FANCM: variants seen among roughly 807,000 people sequenced by gnomAD.
The protein encoded by FANCM is Fanconi anemia group M protein.
FANCM carries 140 observed loss-of-function variants against 199.5 expected under a neutral mutation model. The ratio of observed to expected loss-of-function variants is 0.70; its 90% CI spans 0.61 to 0.81. The LOEUF (loss-of-function observed/expected upper bound fraction) is 0.81. Ranked by LOEUF, FANCM falls within the 30% of genes least tolerant of loss-of-function variation. FANCM has a pLI of 0.00. For synonymous variants in FANCM, 840 were observed against 836.8 expected (o/e 1.00, Z -0.07); for missense variants, 2,410 against 2,421.4 (o/e 1.00, Z 0.10).
At chr14:45,184,452 A>C (rs1889260137) in intron 17 of FANCM, among the ~76,000 whole-genome samples, 1 of 152,078 alleles carries the variant, frequency 6.6e-6, no homozygotes, top group Non-Finnish European at 1.5e-5. Flanking sequence ...ACCTGAGATC[A>C]GGAGTTTGAG....
chr14:45,155,738 G>A lies in FANCM; in HGVS notation c.1396+279G>A, dbSNP rs45607635. Among the ~76,000 whole-genome samples the A allele has an allele frequency of 0.075, 11,429 of 152,264 alleles. 1,174 individuals carry two copies. The highest frequency in any genetic ancestry group is 0.23 in the African/African-American group (9,712 of 41,500). ...CGCTTGAACCTGGGAGGTGAAGGTT[G>A]CAGTGAGCCGAGATTGTGCCATTGC... On this transcript the variant is annotated intron_variant, in intron 8 of 22. Transcript: ENST00000267430.
At chr14:45,137,613 C>A in intron 2 of FANCM, 1 of 266,848 alleles carries the variant, frequency 3.7e-6, no homozygotes, top group South Asian at 4.1e-5. Context: ...CTCTTCTTGG[C>A]GGCTAGGTAA....
chr14:45,199,989 G>C lies in FANCM; in HGVS notation c.6128G>C (p.Arg2043Thr). ...QMLPNDLNQD[R>T]LKSDI ...TTACCAAATGATCTTAACCAAGATA[G>C]ACTGAAATCTGATATATAATCAAGC... The change falls in exon 23 of 23, where the codon AGA (arginine) becomes ACA (threonine). Residue 2043 changes from arginine to threonine, a missense_variant. Transcript: ENST00000267430. 1 of 1,608,620 alleles carries C rather than the reference G, an allele frequency of 6.2e-7. No individual in the cohort carries two copies. Among genetic ancestry groups the C allele is most frequent in the South Asian group, 1.1e-5 (1 of 90,842 alleles).
chr14:45,179,362 T>C (rs1888915968), intron 14 of FANCM, among the ~76,000 whole-genome samples: 1 of 152,106 alleles, frequency 6.6e-6, no homozygotes, highest in Non-Finnish European at 1.5e-5. Context: ...GGGTTTGATC[T>C]TTGCCTAGAA....
At chr14:45,178,258 T>C (rs1297773109) in intron 14 of FANCM, among the ~76,000 whole-genome samples, 2 of 152,198 alleles carry the variant, frequency 1.3e-5, no homozygotes, top group Non-Finnish European at 2.9e-5. Context: ...TAGTCTGGGG[T>C]TGTGCCATGA....
intron 5 of FANCM, among the ~76,000 whole-genome samples, chr14:45,151,978 C>T (rs563731492): frequency 6.8e-6 from 1 of 147,316 alleles, no homozygotes; most frequent in Admixed American, 6.8e-5. Context: ...GAAAAATCTG[C>T]AAGAATACAA....
intron 3 of FANCM, among the ~76,000 whole-genome samples, chr14:45,143,087 A>G (rs558096220): frequency 6.6e-6 from 1 of 151,794 alleles, no homozygotes; most frequent in East Asian, 1.9e-4. Flanking sequence ...CCACAGTCCA[A>G]TACTATTTTA....
In FANCM at chr14:45,154,273, C is replaced by T. The variant is rs150497733; in HGVS notation, c.1183+221C>T. Among the ~76,000 whole-genome samples the T allele has an allele frequency of 0.01, 1,580 of 151,806 alleles. 33 individuals are homozygous for T. Among genetic ancestry groups the T allele is most frequent in the African/African-American group, 0.035 (1,441 of 41,372 alleles). ...AAAATTAGCTGGGTATGATGGTGCA[C>T]GCCTGTAATCCCAGCTACTCAGGAG... On this transcript the variant is annotated intron_variant, in intron 6 of 22. Coordinates refer to ENST00000267430, the MANE Select transcript of FANCM (RefSeq NM_020937.4).
intron 11 of FANCM, among the ~76,000 whole-genome samples, chr14:45,167,663 A>G (rs1397193514): frequency 6.6e-6 from 1 of 152,184 alleles, no homozygotes; most frequent in African/African-American, 2.4e-5. Context: ...TAATTGAGGT[A>G]GCCATTTGTG....
intron 4 of FANCM, among the ~76,000 whole-genome samples, chr14:45,150,606 T>C (rs1039870271): frequency 1.3e-5 from 2 of 152,188 alleles, no homozygotes; most frequent in African/African-American, 4.8e-5. Context: ...GAATCCTTTG[T>C]CCTTAGAACC....
rs2139101803 is a variant in FANCM, at chr14:45,136,281, A to T, written c.250A>T (p.Ile84Phe). The T allele has an allele frequency of 6.2e-7, 1 of 1,614,010 alleles. No homozygotes were observed. The highest frequency in any genetic ancestry group is 8.5e-7 in the Non-Finnish European group (1 of 1,180,006). ...GFCTSAGALW[I>F]YPTNCPVRDY... Reference sequence around the variant, plus strand: ...CTGCACCTCCGCGGGCGCCCTGTGGATTTACCCTACCAATTGCCCAGTGCG... The same window carrying T: ...CTGCACCTCCGCGGGCGCCCTGTGGTTTTACCCTACCAATTGCCCAGTGCG... The change falls in exon 1 of 23, where the codon ATT becomes TTT. Residue 84 changes from isoleucine to phenylalanine, a missense_variant. Ile to Phe is a conservative substitution (Grantham distance 21). Transcript: ENST00000267430.
intron 4 of FANCM, among the ~76,000 whole-genome samples, chr14:45,149,798 G>A (rs1886689915): frequency 6.6e-6 from 1 of 150,626 alleles, no homozygotes; most frequent in Admixed American, 6.7e-5. Context: ...ACACATTTTT[G>A]GTTCTTACAA....
chr14:45,147,904 C>CCG (rs879671904), intron 3 of FANCM, among the ~76,000 whole-genome samples: 5 of 149,826 alleles, frequency 3.3e-5, no homozygotes, highest in African/African-American at 1.2e-4. Context: ...ACCGCCCCCC[C>CCG]CCCAAAAAAA....
Position 45,136,086 on chromosome 14 carries a change from T to A in FANCM, c.55T>A (p.Ser19Thr). 1 of 1,613,990 alleles carries A rather than the reference T, an allele frequency of 6.2e-7. No homozygotes were observed. Among genetic ancestry groups the A allele is most frequent in the Non-Finnish European group, 8.5e-7 (1 of 1,180,004 alleles). ...GACGTGGGGCTCAAGTATCTCCCGA[T>A]CATCTGGGACTCCGGGTTGCAGCTC... ...FQTWGSSISR[S>T]SGTPGCSSGT... is the part of the protein sequence containing the mutation. Residue 19 changes from serine (S) to threonine (T), a missense_variant, in exon 1 of 23, where the codon TCA becomes ACA. Coordinates refer to ENST00000267430, the MANE Select transcript of FANCM (RefSeq NM_020937.4).
Position 45,175,870 on chromosome 14 carries a change from C to T in FANCM, c.3116C>T (p.Ser1039Leu). The change falls in exon 14 of 23, where the codon TCA (serine) becomes TTA (leucine). Residue 1039 changes from serine (S) to leucine (L), a missense_variant. Transcript: ENST00000267430. Reference sequence around the variant, plus strand: ...AGTGATAAATGCACCTGTTTGCTGTCACATTCAGCTGTGAATTCTCAACAG... The same window carrying T: ...AGTGATAAATGCACCTGTTTGCTGTTACATTCAGCTGTGAATTCTCAACAG... ...LRSDKCTCLL[S>L]HSAVNSQQNL... 6.2e-7 allele frequency: 1 copy of T among 1,613,824 alleles called. No individual in the cohort carries two copies. Among genetic ancestry groups the T allele is most frequent in the South Asian group, 1.1e-5 (1 of 91,052 alleles).
At chr14:45,174,646 ATTC>A (rs1195472881) in intron 13 of FANCM, among the ~76,000 whole-genome samples, 4 of 152,172 alleles carry the variant, frequency 2.6e-5, no homozygotes, top group African/African-American at 9.6e-5. Context: ...TCCAAAAGCT[ATTC>A]TTAGTTTACT....
At chr14:45,159,018 C>G in intron 8 of FANCM, 78 bp from the exon 9 acceptor site, 1 of 887,842 alleles carries the variant, frequency 1.1e-6, no homozygotes, top group Non-Finnish European at 1.7e-6. Flanking sequence ...TTAACACTTT[C>G]AGGTTTGTCT....
chr14:45,181,788 T>C (rs971648841), intron 16 of FANCM, 83 bp downstream of exon 16: 10 of 808,372 alleles, frequency 1.2e-5, no homozygotes, highest in African/African-American at 1.0e-4. Flanking sequence ...TAGATAAATA[T>C]AGGTATTTTT....
chr14:45,165,783 T>C (rs746948095), intron 10 of FANCM, among the ~76,000 whole-genome samples: 1 of 152,192 alleles, frequency 6.6e-6, no homozygotes, highest in Non-Finnish European at 1.5e-5. Context: ...CTCCATTCAC[T>C]TGTTAGGTTT....
Sources: gnomAD v4.1 joint callset for allele counts (sites outside exome capture counted in the v4.1 genomes callset) on GRCh38, gnomAD v4.1.1 for gene constraint, MANE v1.5 for transcripts, NCBI Gene and HGNC (gene_info 2026-07-23, HGNC 2026-07-21) for gene names.